URB1: variants seen among roughly 807,000 people sequenced by gnomAD.
URB1 encodes URB1 ribosome biogenesis factor, also known as nucleolar pre-ribosomal-associated protein 1.
A neutral mutation model predicts 242.3 loss-of-function variants in URB1; 197 were observed. That is an observed-to-expected ratio of 0.81 (90% CI 0.72 to 0.91). The LOEUF (loss-of-function observed/expected upper bound fraction) is 0.91, where lower values mean the gene tolerates loss of function less well. Among genes scored for constraint, URB1 ranks in the 40% least tolerant of loss-of-function variants. The pLI is 0.00. For synonymous variants in URB1, 1,153 were observed against 1,201.8 expected (o/e 0.96, Z 0.84); for missense variants, 2,721 against 2,860.5 (o/e 0.95, Z 1.11).
rs1425031751 is a variant in URB1 at position 32,347,311 on chromosome 21, A to G, written c.3513T>C (p.Ser1171=). 3.9e-6 allele frequency: 6 copies of G among 1,551,002 alleles called. No homozygotes were observed. In the South Asian group the frequency reaches 7.1e-5, roughly 18 times the overall value. The change falls in exon 22 of 39, where the codon AGT becomes AGC. Residue 1171 remains serine, a synonymous_variant. Coordinates refer to ENST00000382751, the MANE Select transcript of URB1 (RefSeq NM_014825.3). ...ACTCGGAGGACCACAGGAGCTCACCACTCTGCAGCTGATCCTGGGGGCTGC... is the reference window on the plus strand; with the variant it reads ...ACTCGGAGGACCACAGGAGCTCACCGCTCTGCAGCTGATCCTGGGGGCTGC... The part of the protein sequence containing the change: ...LTCSPQDQLQ[S]GELLWSSEYV...
At chr21:32,352,939 C>A in intron 18 of URB1, 33 bp from the exon 19 acceptor site, 1 of 1,506,452 alleles carries the variant, frequency 6.6e-7, no homozygotes. Flanking sequence ...TGGGAAGAGG[C>A]TGGCTGGGCC....
Position 32,352,794 on chromosome 21 carries a change from T to C in URB1, c.2529A>G (p.Pro843=), listed in dbSNP as rs770099237. 3.2e-6 allele frequency: 5 copies of C among 1,551,704 alleles called. No homozygotes were observed. In the South Asian group the frequency reaches 4.8e-5, roughly 15 times the overall value. ...LLQAYDKLEP[P]CLVPCCQQLS... ...GCTGCTGGCAGCAAGGCACCAGGCA[T>C]GGAGGCTCAAGCTTATCATATGCCT... Residue 843 remains proline (P), a synonymous_variant, in exon 19 of 39, where the codon CCA becomes CCG. Transcript: ENST00000382751.
chr21:32,325,506 G>A (rs2032819901), intron 30 of URB1, 117 bp from the exon 31 acceptor site: 4 of 1,317,490 alleles, frequency 3.0e-6, no homozygotes, highest in Admixed American at 2.5e-5. Context: ...CCAAGCACAA[G>A]GAATGCAAGT....
chr21:32,346,267 T>A (rs534846766), intron 22 of URB1, among the ~76,000 whole-genome samples: 1 of 152,326 alleles, frequency 6.6e-6, no homozygotes, highest in East Asian at 1.9e-4. Context: ...CTGTACAGCC[T>A]GCAGACGCAT....
In URB1 at chr21:32,385,270, T is replaced by C. The variant is rs533407552; in HGVS notation, c.282+275A>G. On this transcript the variant is annotated intron_variant, in intron 2 of 38. Coordinates refer to ENST00000382751, the MANE Select transcript of URB1 (RefSeq NM_014825.3). ...TTTATGTGTTTCCCTTTTGTTTAAA[T>C]AAACCATACCGAAACCAAGTATATT... Among the ~76,000 whole-genome samples the C allele has an allele frequency of 3.7e-4, 57 of 152,342 alleles. No individual in the cohort carries two copies. In the Middle Eastern group the frequency reaches 0.01, roughly 27 times the overall value.
chr21:32,361,653 A>G (rs573746732), intron 12 of URB1, among the ~76,000 whole-genome samples: 1 of 152,366 alleles, frequency 6.6e-6, no homozygotes, highest in South Asian at 2.1e-4. Flanking sequence ...TCAAGTCTTC[A>G]GAGAGACACA....
In URB1 at chr21:32,355,821, G is replaced by C. The variant is rs147381892; in HGVS notation, c.1990-256C>G. ...AGACAAAGTTTTGCCAAGTTGGCCA[G>C]GCTGGTATCAAACTCCTAGCTTCAA... On this transcript the variant is annotated intron_variant, in intron 15 of 38. Coordinates refer to ENST00000382751, the MANE Select transcript of URB1 (RefSeq NM_014825.3). 6.0e-4 allele frequency among the ~76,000 whole-genome samples: 91 copies of C among 152,304 alleles called. 1 individual carries two copies. Among genetic ancestry groups the C allele is most frequent in the African/African-American group, 1.8e-3 (76 of 41,564 alleles).
At chr21:32,361,189 A>AAGAAAGAAAGAAAGAAAGAG in intron 12 of URB1, 66 bp from the exon 13 acceptor site, 1 of 883,314 alleles carries the variant, frequency 1.1e-6, no homozygotes, top group Admixed American at 3.0e-5. Flanking sequence ...GAAAGAAAGA[A>AAGAAAGAAAGAAAGAAAGAG]AGAAAGAAAG....
intron 22 of URB1, among the ~76,000 whole-genome samples, chr21:32,346,352 T>C (rs541798856): frequency 6.6e-6 from 1 of 152,356 alleles, no homozygotes; most frequent in Non-Finnish European, 1.5e-5. Context: ...AAATGGACTA[T>C]GACTAGAAGA....
chr21:32,322,966 A>C (rs2251336), intron 32 of URB1, among the ~76,000 whole-genome samples: 23,566 of 152,150 alleles, frequency 0.15, 2,212 homozygotes, highest in African/African-American at 0.26. Context: ...TCTAGCTTCT[A>C]ACTGAAAGGA....
chr21:32,385,980 CCTCT>C (rs1175577791), intron 1 of URB1, among the ~76,000 whole-genome samples: 2 of 151,964 alleles, frequency 1.3e-5, no homozygotes, highest in Non-Finnish European at 2.9e-5. Flanking sequence ...GGTGAAACCC[CCTCT>C]CTACTAAAAA....
chr21:32,385,756 C>T, intron 1 of URB1, 72 bp from the exon 2 acceptor site: 1 of 1,524,424 alleles, frequency 6.6e-7, no homozygotes, highest in Admixed American at 2.0e-5. Context: ...ACCACTGCAA[C>T]CTGCTTTCCC....
Position 32,384,295 on chromosome 21 carries a change from C to A in URB1, c.434+18G>T. ...ACCCAAAGGCCCATCCTTTGTCACA[C>A]CAAGGCAGACTGCCTACCTGTAACC... is the stretch of plus-strand genomic sequence containing the variant. On this transcript the variant is annotated intron_variant, in intron 3 of 38. Coordinates refer to ENST00000382751, the MANE Select transcript of URB1 (RefSeq NM_014825.3). 6.5e-7 allele frequency: 1 copy of A among 1,547,594 alleles called. No homozygotes were observed. Among genetic ancestry groups the A allele is most frequent in the Non-Finnish European group, 8.7e-7 (1 of 1,143,262 alleles).
At chr21:32,358,840 GT>G (rs2033253191) in intron 14 of URB1, among the ~76,000 whole-genome samples, 2 of 152,120 alleles carry the variant, frequency 1.3e-5, no homozygotes, top group South Asian at 4.1e-4. Flanking sequence ...CACCGCCTGG[GT>G]CCCATCCTGG....
chr21:32,376,820 T>TTTGC, intron 5 of URB1, among the ~76,000 whole-genome samples: 1 of 151,500 alleles, frequency 6.6e-6, no homozygotes, highest in Admixed American at 6.6e-5. Context: ...GTTTTGTTTG[T>TTTGC]TTGTTTGTTT....
chr21:32,374,740 C>T (rs920446655), intron 6 of URB1, among the ~76,000 whole-genome samples: 1 of 152,212 alleles, frequency 6.6e-6, no homozygotes, highest in African/African-American at 2.4e-5. Context: ...TGCTGTCTCC[C>T]CACTAGGCAC....
intron 5 of URB1, among the ~76,000 whole-genome samples, chr21:32,376,110 T>A (rs1305698395): frequency 6.6e-6 from 1 of 152,230 alleles, no homozygotes; most frequent in Non-Finnish European, 1.5e-5. Flanking sequence ...CTAAATACTA[T>A]TTGAAAGAGA....
chr21:32,343,219 G>C (rs943627355), intron 24 of URB1, among the ~76,000 whole-genome samples: 1 of 151,702 alleles, frequency 6.6e-6, no homozygotes, highest in Non-Finnish European at 1.5e-5. Context: ...TTTTTGCAGT[G>C]TGAATACTTG....
chr21:32,317,061 CA>C lies in URB1; in HGVS notation c.6038del (p.Met2013SerfsTer35). Reference protein sequence around the residue: ...EKAQARELMKMLKDKNKPVMP... With the variant: ...EKAQARELMKXLKDKNKPVMP... ...TGACAGGCTTGTTCTTATCCTTGAG[CA>C]TTTCTGTTAAATGCACAAAGAGAAG... is the stretch of plus-strand genomic sequence containing the variant. On this transcript the variant is annotated frameshift_variant, in exon 38 of 39. Transcript: ENST00000382751. LOFTEE classifies it high-confidence loss of function. The C allele has an allele frequency of 6.5e-7, 1 of 1,530,806 alleles. No homozygotes were observed. The highest frequency in any genetic ancestry group is 8.8e-7 in the Non-Finnish European group (1 of 1,138,824). 94.8% of individuals were successfully genotyped at this position (1,530,806 alleles called of 1,614,324 possible). A position where few individuals can be genotyped will look rare whatever the true frequency, so the allele number is the denominator to read the frequency against.
Sources: gnomAD v4.1 joint callset for allele counts (sites outside exome capture counted in the v4.1 genomes callset) on GRCh38, gnomAD v4.1.1 for gene constraint, MANE v1.5 for transcripts, NCBI Gene and HGNC (gene_info 2026-07-23, HGNC 2026-07-21) for gene names.